Variants in TCF7L1 observed in about 807,000 individuals in gnomAD.
TCF7L1 encodes the protein transcription factor 7 like 1, also known as transcription factor 7-like 1.
In TCF7L1, 18 loss-of-function variants were observed where a neutral mutation model predicts 63.7. That is an observed-to-expected ratio of 0.28 (90% CI 0.20 to 0.42). The LOEUF (loss-of-function observed/expected upper bound fraction) is 0.42, where lower values mean the gene tolerates loss of function less well. Among genes scored for constraint, TCF7L1 ranks in the 10% least tolerant of loss-of-function variants. The pLI is 1.00. For synonymous variants in TCF7L1, 355 were observed against 340.9 expected (o/e 1.04, Z -0.46); for missense variants, 654 against 779.3 (o/e 0.84, Z 1.91).
intron 4 of TCF7L1, 134 bp from the exon 5 acceptor site, chr2:85,302,350 C>T (rs942384373): frequency 2.4e-6 from 3 of 1,254,424 alleles, no homozygotes; most frequent in Non-Finnish European, 3.4e-6. Flanking sequence ...GCTGTCATCT[C>T]TCAGGGACTG....
rs1681975633 is a variant in TCF7L1 at position 85,301,620 on chromosome 2, G to A, written c.526-864G>A. Among the ~76,000 whole-genome samples, 3 of 152,308 alleles carry A rather than the reference G, an allele frequency of 2.0e-5. 1 individual carries two copies. In the South Asian group the frequency reaches 6.2e-4, roughly 32 times the overall value. ...AATGGTGCTCCTTCCATTTGGTGGT[G>A]TTTTACACAGAATGTGGTAGTGAGG... is the stretch of plus-strand genomic sequence containing the variant. On this transcript the variant is annotated intron_variant, in intron 4 of 11. Coordinates refer to ENST00000282111, the MANE Select transcript of TCF7L1 (RefSeq NM_031283.3).
intron 3 of TCF7L1, among the ~76,000 whole-genome samples, chr2:85,229,409 G>T (rs929230375): frequency 6.6e-6 from 1 of 152,310 alleles, no homozygotes; most frequent in South Asian, 2.1e-4. Flanking sequence ...AGGAGCTATT[G>T]AAAAGGTGTC....
At chr2:85,227,818 G>C (rs1329435099) in intron 3 of TCF7L1, among the ~76,000 whole-genome samples, 5 of 151,662 alleles carry the variant, frequency 3.3e-5, no homozygotes, top group Non-Finnish European at 7.4e-5. Flanking sequence ...AACAGAGTGA[G>C]ACCCTGTCTC....
chr2:85,218,187 T>C (rs1315435111), intron 3 of TCF7L1, among the ~76,000 whole-genome samples: 1 of 152,070 alleles, frequency 6.6e-6, no homozygotes, highest in African/African-American at 2.4e-5. Context: ...TAGGTGTTTT[T>C]GATTTAAAAT....
chr2:85,244,357 A>G (rs1025900402), intron 3 of TCF7L1, among the ~76,000 whole-genome samples: 14 of 152,256 alleles, frequency 9.2e-5, no homozygotes, highest in Non-Finnish European at 1.8e-4. Context: ...ATATAATCAT[A>G]GACCGAAGGG....
chr2:85,236,176 A>AT (rs369596256), intron 3 of TCF7L1, among the ~76,000 whole-genome samples: 5,846 of 151,184 alleles, frequency 0.039, 117 homozygotes, highest in Middle Eastern at 0.045. Flanking sequence ...CCCCCCCCAA[A>AT]AAAAACCCAA....
chr2:85,294,320 G>A (rs1299873881), intron 4 of TCF7L1, among the ~76,000 whole-genome samples: 1 of 152,134 alleles, frequency 6.6e-6, no homozygotes, highest in East Asian at 1.9e-4. Context: ...ACAGGCGTGA[G>A]CCACCACGCC....
chr2:85,310,253 C>T lies in TCF7L1; in HGVS notation c.*791C>T, dbSNP rs982035095. On this transcript the variant is annotated 3_prime_UTR_variant, in exon 12 of 12. Transcript: ENST00000282111. ...GCACAATCTGCCAAAGTTCTAGAGA[C>T]CCTGTTCCCTTCCCCATCACCTCAC... 1 of 152,608 alleles carries T rather than the reference C, an allele frequency of 6.6e-6. No homozygotes were observed. Among genetic ancestry groups the T allele is most frequent in the African/African-American group, 2.4e-5 (1 of 41,452 alleles). 9.5% of individuals were successfully genotyped at this position (152,608 alleles called of 1,614,324 possible).
intron 3 of TCF7L1, among the ~76,000 whole-genome samples, chr2:85,171,534 G>A: frequency 6.6e-6 from 1 of 152,234 alleles, no homozygotes. Flanking sequence ...GAGATGATCT[G>A]CCTTTGTCAG....
intron 3 of TCF7L1, among the ~76,000 whole-genome samples, chr2:85,274,412 C>G (rs1208567959): frequency 6.6e-6 from 1 of 152,226 alleles, no homozygotes; most frequent in Admixed American, 6.5e-5. Context: ...TTTCCCTCCT[C>G]CAGAGCATGC....
At chr2:85,289,257 C>T (rs1057162383) in intron 4 of TCF7L1, among the ~76,000 whole-genome samples, 12 of 123,480 alleles carry the variant, frequency 9.7e-5, no homozygotes, top group African/African-American at 3.2e-4. Context: ...TGTGTGTATA[C>T]TTATAACTTG....
At position 85,306,222 on chromosome 2, in the gene TCF7L1, G is replaced by A. The variant is rs763240251; in HGVS notation, c.1006G>A (p.Val336Met). ...CCTTCCCAGGAAATCACCAGTCACC[G>A]TGAAAAAGGAGGAGGAAAAGAAGCC... is the stretch of plus-strand genomic sequence containing the variant. ...PAVSVKSPVT[V>M]KKEEEKKPHV... The change falls in exon 9 of 12, where the codon GTG becomes ATG. Residue 336 changes from valine (V) to methionine (M), a missense_variant. Physicochemically the swap from Val to Met is conservative, Grantham distance 21. Around this residue, in one of 3 missense-constraint regions of TCF7L1, gnomAD observed 66 missense variants for 120.5 expected, o/e 0.55. Coordinates refer to ENST00000282111, the MANE Select transcript of TCF7L1 (RefSeq NM_031283.3). The surrounding 1 kb of genome is among the most constrained non-coding windows in gnomAD (Gnocchi z 4.3). 2.2e-5 allele frequency: 35 copies of A among 1,613,972 alleles called. No homozygotes were observed. Among genetic ancestry groups the A allele is most frequent in the East Asian group, 4.5e-5 (2 of 44,886 alleles).
rs374658956 is a variant in TCF7L1 at position 85,280,436 on chromosome 2, C to G, written c.442-3059C>G. On this transcript the variant is annotated intron_variant, in intron 3 of 11. Transcript: ENST00000282111. ...AGAGGATTATTTAAGACCCAAAACT[C>G]TAGCACCATCCCAGACTAGGGTTTA... Among the ~76,000 whole-genome samples, 29 of 152,290 alleles carry G rather than the reference C, an allele frequency of 1.9e-4. 1 individual carries two copies. The highest frequency in any genetic ancestry group is 7.0e-4 in the African/African-American group (29 of 41,554).
At chr2:85,229,911 G>A (rs1055369871) in intron 3 of TCF7L1, among the ~76,000 whole-genome samples, 4 of 152,160 alleles carry the variant, frequency 2.6e-5, no homozygotes, top group East Asian at 1.9e-4. Flanking sequence ...GGGCTGCTGC[G>A]GCAGGAGGAT....
intron 3 of TCF7L1, among the ~76,000 whole-genome samples, chr2:85,140,913 C>G (rs3040831): frequency 2.6e-5 from 4 of 151,306 alleles, no homozygotes; most frequent in East Asian, 1.9e-4. Context: ...GAGAGAGAGA[C>G]AGAAGAGAGA....
chr2:85,195,078 T>C (rs1679123938), intron 3 of TCF7L1, among the ~76,000 whole-genome samples: 1 of 152,250 alleles, frequency 6.6e-6, no homozygotes, highest in Non-Finnish European at 1.5e-5. Context: ...GCTGGGACTG[T>C]GGGCTTTGAA....
chr2:85,158,844 C>A (rs1678214573), intron 3 of TCF7L1, among the ~76,000 whole-genome samples: 1 of 152,244 alleles, frequency 6.6e-6, no homozygotes, highest in African/African-American at 2.4e-5. Context: ...TACTGAAGGG[C>A]CTCCTGGTAC....
intron 3 of TCF7L1, among the ~76,000 whole-genome samples, chr2:85,192,159 T>C (rs2104266055): frequency 6.6e-6 from 1 of 152,322 alleles, no homozygotes; most frequent in Admixed American, 6.5e-5. Flanking sequence ...GTCTGCTTCC[T>C]TCTACCCTAT....
chr2:85,134,042 G>C lies in TCF7L1; in HGVS notation c.276G>C (p.Arg92=), dbSNP rs2104172568. The stretch of plus-strand genomic sequence containing the variant: ...CGGAGAGGCGCCCGCAGCCCGTCCG[G>C]GACACTTTCCAGAAGCCGCGGGACT... ...SEAERRPQPV[R]DTFQKPRDYF... is the part of the protein sequence containing the mutation. The change falls in exon 2 of 12, where the codon CGG becomes CGC. Residue 92 remains arginine (R), a synonymous_variant. Transcript: ENST00000282111. This position sits in a 1 kb window ranked among gnomAD's most constrained non-coding sequence, Gnocchi z 5.0. 1 of 1,611,136 alleles carries C rather than the reference G, an allele frequency of 6.2e-7. No homozygotes were observed. The highest frequency in any genetic ancestry group is 8.5e-7 in the Non-Finnish European group (1 of 1,179,172).
Sources: allele counts gnomAD v4.1 joint callset (sites outside exome capture counted in the v4.1 genomes callset), GRCh38; gene constraint gnomAD v4.1.1; regional missense constraint gnomAD v4.1.1; non-coding constraint Gnocchi (gnomAD v3.1); transcripts MANE v1.5; gene names NCBI Gene and HGNC (gene_info 2026-07-23, HGNC 2026-07-21).